The following AVL9 variants were observed in gnomAD, a reference collection of about 807,000 sequenced individuals.
AVL9 encodes AVL9 cell migration associated.
In AVL9, 49 loss-of-function variants were observed where a neutral mutation model predicts 79.2. The ratio of observed to expected loss-of-function variants is 0.62; its 90% CI spans 0.49 to 0.79. The LOEUF (loss-of-function observed/expected upper bound fraction) is 0.79, where lower values mean the gene tolerates loss of function less well. AVL9 is among the 30% of genes least tolerant of loss of function. The pLI, the probability that AVL9 is intolerant of heterozygous loss-of-function variation, is 0.00. For synonymous variants in AVL9, 299 were observed against 280.6 expected (o/e 1.07, Z -0.65); for missense variants, 682 against 776.8 (o/e 0.88, Z 1.45).
intron 1 of AVL9, among the ~76,000 whole-genome samples, chr7:32,520,981 C>G (rs1788117709): frequency 6.6e-6 from 1 of 152,102 alleles, no homozygotes; most frequent in Admixed American, 6.5e-5. Context: ...ATGGGTTTAT[C>G]AAGGGTTTCT....
In AVL9 at chr7:32,551,374, C is replaced by T; in HGVS notation, c.413C>T (p.Thr138Ile). Reference sequence around the variant, plus strand: ...CTTCAAGCAAAACTTCAACTCATTACACATGCATATTTTGAAGAGAAGGAT... The same window carrying T: ...CTTCAAGCAAAACTTCAACTCATTATACATGCATATTTTGAAGAGAAGGAT... Reference protein sequence around the residue: ...GLLQAKLQLITHAYFEEKDFS... With the variant: ...GLLQAKLQLIIHAYFEEKDFS... Residue 138 changes from threonine (T) to isoleucine (I), a missense_variant, in exon 5 of 16, where the codon ACA (threonine) becomes ATA (isoleucine). By Grantham distance (89) the Thr-to-Ile change is moderately conservative (BLOSUM62 -1). Transcript: ENST00000318709. The T allele has an allele frequency of 1.2e-6, 2 of 1,611,724 alleles. No individual in the cohort carries two copies. The highest frequency in any genetic ancestry group is 1.7e-6 in the Non-Finnish European group (2 of 1,178,246).
intron 1 of AVL9, among the ~76,000 whole-genome samples, chr7:32,497,401 A>G (rs1208509629): frequency 6.6e-5 from 10 of 152,372 alleles, no homozygotes; most frequent in Admixed American, 3.9e-4. Flanking sequence ...TGACTGGTCT[A>G]GAATCTGTTC....
chr7:32,537,487 C>G (rs1583537899), intron 1 of AVL9: 1 of 98,130 alleles, frequency 1.0e-5, no homozygotes. Context: ...TTTTTTTAGA[C>G]AGAGTCTCTC....
At chr7:32,578,295 A>G (rs190153964) in intron 13 of AVL9, among the ~76,000 whole-genome samples, 6 of 152,164 alleles carry the variant, frequency 3.9e-5, no homozygotes, top group Admixed American at 2.6e-4. Flanking sequence ...CATCTTTCCT[A>G]TATCTTGATA....
chr7:32,505,441 T>G (rs1454949796), intron 1 of AVL9, among the ~76,000 whole-genome samples: 2 of 151,446 alleles, frequency 1.3e-5, no homozygotes, highest in Admixed American at 6.6e-5. Context: ...AAGAATCACT[T>G]GAAACCGGAA....
intron 8 of AVL9, among the ~76,000 whole-genome samples, chr7:32,557,869 T>G (rs917026587): frequency 6.6e-6 from 1 of 151,194 alleles, no homozygotes; most frequent in African/African-American, 2.4e-5. Context: ...TTTTTTTTTT[T>G]TTTTGAGACA....
intron 8 of AVL9, among the ~76,000 whole-genome samples, chr7:32,556,207 T>A (rs1790045821): frequency 6.6e-6 from 1 of 152,178 alleles, no homozygotes. Flanking sequence ...TATCCTATTT[T>A]TCTATAAGAA....
intron 1 of AVL9, among the ~76,000 whole-genome samples, chr7:32,540,865 G>GTAC (rs1470467184): frequency 9.8e-6 from 1 of 101,864 alleles, no homozygotes; most frequent in African/African-American, 3.3e-5. Flanking sequence ...AAGCATTGTT[G>GTAC]TACTACTTTT....
At chr7:32,583,442 G>A (rs993142322) in intron 15 of AVL9, among the ~76,000 whole-genome samples, 3 of 152,142 alleles carry the variant, frequency 2.0e-5, no homozygotes, top group African/African-American at 7.2e-5. Context: ...TCACACCTGT[G>A]ATCCCAACAC....
At chr7:32,547,247 C>T (rs894609125) in intron 3 of AVL9, among the ~76,000 whole-genome samples, 1 of 152,090 alleles carries the variant, frequency 6.6e-6, no homozygotes, top group Non-Finnish European at 1.5e-5. Flanking sequence ...TTTTTAAATC[C>T]CAGAGTTGGT....
intron 14 of AVL9, 150 bp from the exon 15 acceptor site, chr7:32,580,649 TAAC>T: frequency 4.9e-6 from 3 of 607,988 alleles, no homozygotes; most frequent in East Asian, 2.8e-5. Context: ...AATTAATTCA[TAAC>T]AAATAATAAT....
chr7:32,544,852 T>C, intron 3 of AVL9, 73 bp downstream of exon 3: 2 of 1,087,484 alleles, frequency 1.8e-6, no homozygotes, highest in Non-Finnish European at 2.7e-6. Context: ...ACAGTCTTTA[T>C]TTTTCAGTGG....
intron 8 of AVL9, 51 bp downstream of exon 8, chr7:32,554,647 CT>C (rs761838802): frequency 7.3e-5 from 87 of 1,199,494 alleles, no homozygotes; most frequent in Admixed American, 2.1e-4. Flanking sequence ...CTTTTATTCA[CT>C]TTTTTTTACA....
chr7:32,580,294 T>C (rs1284580728), intron 14 of AVL9, 22 bp downstream of exon 14: 16 of 1,585,924 alleles, frequency 1.0e-5, no homozygotes, highest in Admixed American at 1.7e-5. Context: ...GAGAAAATAC[T>C]GGGAAAATTC....
intron 1 of AVL9, among the ~76,000 whole-genome samples, chr7:32,531,426 T>TGAACA (rs1562768925): frequency 8.0e-4 from 121 of 152,116 alleles, no homozygotes; most frequent in African/African-American, 2.8e-3. Context: ...AACATGTATA[T>TGAACA]TCATATAACG....
intron 10 of AVL9, among the ~76,000 whole-genome samples, chr7:32,567,398 A>G: frequency 6.6e-6 from 1 of 152,136 alleles, no homozygotes; most frequent in Non-Finnish European, 1.5e-5. Flanking sequence ...CACCACACCT[A>G]GCAAGTAATG....
chr7:32,510,965 G>A (rs1235613573), intron 1 of AVL9, among the ~76,000 whole-genome samples: 8 of 137,024 alleles, frequency 5.8e-5, no homozygotes, highest in East Asian at 2.2e-4. Context: ...GTCTGGTTGT[G>A]GGAGTCCACA....
At position 32,548,903 on chromosome 7, in the gene AVL9, T is replaced by C. The variant is rs774804840; in HGVS notation, c.357T>C (p.Cys119=). 11 of 1,569,926 alleles carry C rather than the reference T, an allele frequency of 7.0e-6. No individual in the cohort carries two copies. In the South Asian group the frequency reaches 9.8e-5, roughly 14 times the overall value. ...GAGAGACTGTTCAGAAAAGTGTCTGTGTTCTAAGCAAGCTGGTAAGAGACG... is the reference window on the plus strand; with the variant it reads ...GAGAGACTGTTCAGAAAAGTGTCTGCGTTCTAAGCAAGCTGGTAAGAGACG... ...ITRETVQKSV[C]VLSKLPLYGL... Residue 119 remains cysteine (C), a synonymous_variant, in exon 4 of 16, where the codon TGT becomes TGC. Coordinates refer to ENST00000318709, the MANE Select transcript of AVL9 (RefSeq NM_015060.3).
intron 1 of AVL9, among the ~76,000 whole-genome samples, chr7:32,520,723 G>A (rs1036182026): frequency 6.6e-6 from 1 of 152,128 alleles, no homozygotes; most frequent in Non-Finnish European, 1.5e-5. Flanking sequence ...TTTTACATGG[G>A]TACCCCTCCC....
Sources: allele counts gnomAD v4.1 joint callset (sites outside exome capture counted in the v4.1 genomes callset), GRCh38; gene constraint gnomAD v4.1.1; transcripts MANE v1.5; gene names NCBI Gene and HGNC (gene_info 2026-07-23, HGNC 2026-07-21).